ANGPT1: variants seen among roughly 807,000 people sequenced by gnomAD.
The protein encoded by ANGPT1 is angiopoietin 1.
A neutral mutation model predicts 62.2 loss-of-function variants in ANGPT1; 17 were observed. The observed-to-expected ratio is 0.27, with a 90% CI of 0.19 to 0.41. The LOEUF is 0.41. Among genes scored for constraint, ANGPT1 ranks in the 10% least tolerant of loss-of-function variants. ANGPT1 has a pLI of 1.00. For missense variants in ANGPT1, 478 were observed against 594.9 expected (o/e 0.80, Z 2.04); for synonymous variants, 199 against 198.9 (o/e 1.00, Z 0.00).
At chr8:107,397,331 C>G (rs1288065279) in intron 1 of ANGPT1, among the ~76,000 whole-genome samples, 1 of 152,148 alleles carries the variant, frequency 6.6e-6, no homozygotes, top group Admixed American at 6.5e-5. Context: ...ATGGTAAGAA[C>G]TGGAAAATGT....
At chr8:107,254,168 T>A (rs1813306904) in intron 8 of ANGPT1, among the ~76,000 whole-genome samples, 1 of 152,152 alleles carries the variant, frequency 6.6e-6, no homozygotes, top group South Asian at 2.1e-4. Context: ...TGGTTCTCCT[T>A]GTGAAGTCTT....
intron 1 of ANGPT1, among the ~76,000 whole-genome samples, chr8:107,420,472 G>A (rs1810869057): frequency 6.6e-6 from 1 of 152,094 alleles, no homozygotes; most frequent in Admixed American, 6.6e-5. Context: ...TGTATCGAAG[G>A]CAAACATTAT....
chr8:107,390,598 T>A (rs1816816398), intron 1 of ANGPT1, among the ~76,000 whole-genome samples: 1 of 152,190 alleles, frequency 6.6e-6, no homozygotes, highest in Non-Finnish European at 1.5e-5. Flanking sequence ...CTCAAAGAAT[T>A]GCTTAGAAAA....
At chr8:107,408,066 C>T (rs1201996480) in intron 1 of ANGPT1, among the ~76,000 whole-genome samples, 1 of 141,792 alleles carries the variant, frequency 7.1e-6, no homozygotes, top group African/African-American at 2.8e-5. Flanking sequence ...TACAGAAATG[C>T]TATTTTCTTA....
chr8:107,409,403 A>AT (rs1563609897), intron 1 of ANGPT1, among the ~76,000 whole-genome samples: 2 of 151,948 alleles, frequency 1.3e-5, no homozygotes, highest in Non-Finnish European at 2.9e-5. Context: ...AGGTTCACCA[A>AT]TGGGACTCAG....
intron 3 of ANGPT1, among the ~76,000 whole-genome samples, chr8:107,330,351 G>A (rs180707547): frequency 3.5e-4 from 53 of 152,178 alleles, no homozygotes; most frequent in African/African-American, 1.3e-3. Flanking sequence ...GATTATCCCA[G>A]GAATCAAGGA....
chr8:107,325,231 T>C (rs1251475658), intron 3 of ANGPT1, among the ~76,000 whole-genome samples: 1 of 152,206 alleles, frequency 6.6e-6, no homozygotes, highest in East Asian at 1.9e-4. Flanking sequence ...TCTGTGCCCA[T>C]TAATTTTTGG....
At chr8:107,306,948 G>C (rs116840862) in intron 4 of ANGPT1, among the ~76,000 whole-genome samples, 1 of 152,040 alleles carries the variant, frequency 6.6e-6, no homozygotes, top group East Asian at 1.9e-4. Flanking sequence ...AAGCATCACC[G>C]AACAGATGTC....
At position 107,250,829 on chromosome 8, in the gene ANGPT1, T is replaced by A. The variant is rs2129972722; in HGVS notation, c.*1026A>T. ...GGTGAGTATTGGAGTTCTAAAAATA[T>A]TTTTAAAATAATGAAGTTACATGTA... is the stretch of plus-strand genomic sequence containing the variant. On this transcript the variant is annotated 3_prime_UTR_variant, in exon 9 of 9. Coordinates refer to ENST00000517746, the MANE Select transcript of ANGPT1 (RefSeq NM_001146.5). The A allele has an allele frequency of 6.6e-6, 1 of 152,212 alleles. No individual in the cohort carries two copies. Among genetic ancestry groups the A allele is most frequent in the East Asian group, 1.9e-4 (1 of 5,190 alleles). The allele number at this position is 152,212 out of a possible 1,614,324, so 9.4% of individuals were successfully genotyped here. A position where few individuals can be genotyped will look rare whatever the true frequency, so the allele number is the denominator to read the frequency against.
chr8:107,443,086 G>C (rs941285935), intron 1 of ANGPT1, among the ~76,000 whole-genome samples: 1 of 152,116 alleles, frequency 6.6e-6, no homozygotes, highest in Non-Finnish European at 1.5e-5. Context: ...TTGTGTGTGT[G>C]TTCCCCTTTT....
In ANGPT1 at chr8:107,497,652, T is replaced by G; in HGVS notation, c.-94A>C. 7.6e-7 allele frequency: 1 copy of G among 1,308,240 alleles called. No homozygotes were observed. The highest frequency in any genetic ancestry group is 1.0e-6 in the Non-Finnish European group (1 of 973,072). 81.0% of individuals were successfully genotyped at this position (1,308,240 alleles called of 1,614,324 possible). A position where few individuals can be genotyped will look rare whatever the true frequency, so the allele number is the denominator to read the frequency against. On this transcript the variant is annotated 5_prime_UTR_variant, in exon 1 of 9. Transcript: ENST00000517746. ...GTTCTTTATTTCAGGTAAAACTGCT[T>G]GTTTGTTTGACTCTTTCCCCCTCAA...
In ANGPT1 at chr8:107,406,920, C is replaced by T. The variant is rs545257127; in HGVS notation, c.298-59823G>A. On this transcript the variant is annotated intron_variant, in intron 1 of 8. Coordinates refer to ENST00000517746, the MANE Select transcript of ANGPT1 (RefSeq NM_001146.5). The stretch of plus-strand genomic sequence containing the variant: ...AAAAAGCAATTCTACATAAAGTCTA[C>T]CTCCTTTAGGAAATTCCTTAAGTCA... Among the ~76,000 whole-genome samples the T allele has an allele frequency of 2.0e-5, 3 of 148,956 alleles. No individual in the cohort carries two copies. The South Asian group carries it at 6.3e-4, about 31-fold the overall frequency.
chr8:107,488,902 G>A (rs1812884845), intron 1 of ANGPT1, among the ~76,000 whole-genome samples: 1 of 152,034 alleles, frequency 6.6e-6, no homozygotes, highest in South Asian at 2.1e-4. Context: ...GAAATCCTGG[G>A]GCTATCTTTC....
At chr8:107,312,709 T>C (rs1765278447) in intron 4 of ANGPT1, among the ~76,000 whole-genome samples, 1 of 152,142 alleles carries the variant, frequency 6.6e-6, no homozygotes, top group Admixed American at 6.5e-5. Flanking sequence ...AGAGACAAAG[T>C]TGGAATGCTT....
At chr8:107,285,544 C>T (rs1160338300) in intron 6 of ANGPT1, among the ~76,000 whole-genome samples, 1 of 152,070 alleles carries the variant, frequency 6.6e-6, no homozygotes, top group African/African-American at 2.4e-5. Flanking sequence ...TTTGTAAGTG[C>T]TCCTGAGTGA....
intron 1 of ANGPT1, among the ~76,000 whole-genome samples, chr8:107,461,914 G>A (rs1812082072): frequency 6.6e-6 from 1 of 152,076 alleles, no homozygotes; most frequent in Non-Finnish European, 1.5e-5. Flanking sequence ...TCTTATTGAA[G>A]AATACAGCAA....
intron 4 of ANGPT1, 90 bp from the exon 5 acceptor site, chr8:107,303,457 T>C (rs1814643122): frequency 2.7e-6 from 3 of 1,114,722 alleles, no homozygotes; most frequent in Non-Finnish European, 3.9e-6. Context: ...CATGTCTTCA[T>C]TTCCTCCACA....
At chr8:107,299,097 A>C (rs1814490160) in intron 5 of ANGPT1, among the ~76,000 whole-genome samples, 1 of 151,600 alleles carries the variant, frequency 6.6e-6, no homozygotes, top group Non-Finnish European at 1.5e-5. Flanking sequence ...CTAATTTTCT[A>C]AAAATAAACC....
intron 4 of ANGPT1, among the ~76,000 whole-genome samples, chr8:107,310,478 C>A (rs1432141747): frequency 6.6e-6 from 1 of 151,938 alleles, no homozygotes; most frequent in Non-Finnish European, 1.5e-5. Flanking sequence ...CTGACAAGAG[C>A]ACACCCAAGG....
Sources: gnomAD v4.1 joint callset for allele counts (sites outside exome capture counted in the v4.1 genomes callset) on GRCh38, gnomAD v4.1.1 for gene constraint, MANE v1.5 for transcripts, NCBI Gene and HGNC (gene_info 2026-07-23, HGNC 2026-07-21) for gene names.